COL26A1: variants seen among roughly 807,000 people sequenced by gnomAD.
COL26A1 encodes collagen type XXVI alpha 1 chain.
A neutral mutation model predicts 59.3 loss-of-function variants in COL26A1; 41 were observed. The ratio of observed to expected loss-of-function variants is 0.69; its 90% confidence interval spans 0.54 to 0.90. The LOEUF (loss-of-function observed/expected upper bound fraction) is 0.90. Ranked by LOEUF, COL26A1 falls within the 40% of genes least tolerant of loss-of-function variation. The probability of loss-of-function intolerance (pLI) is 0.00; values close to 1 mark genes in which losing one functional copy is unlikely to be tolerated. For missense variants in COL26A1, 612 were observed against 602.3 expected (o/e 1.02, Z -0.17); for synonymous variants, 266 against 256.0 (o/e 1.04, Z -0.37).
At chr7:101,446,126 G>A (rs1158749882) in intron 2 of COL26A1, among the ~76,000 whole-genome samples, 1 of 150,442 alleles carries the variant, frequency 6.6e-6, no homozygotes, top group Non-Finnish European at 1.5e-5. Flanking sequence ...CACGTGAACT[G>A]AGAGCCAGAA....
intron 3 of COL26A1, among the ~76,000 whole-genome samples, chr7:101,454,820 C>T (rs116602101): frequency 0.01 from 1,572 of 152,162 alleles, 29 homozygotes; most frequent in African/African-American, 0.036. Context: ...TGCCTTTAAA[C>T]AGAAACACAG....
chr7:101,552,602 G>A (rs1276022369), intron 10 of COL26A1, among the ~76,000 whole-genome samples: 1 of 151,756 alleles, frequency 6.6e-6, no homozygotes, highest in Admixed American at 6.6e-5. Context: ...GGGCAACAGA[G>A]CAAGACCCTG....
intron 3 of COL26A1, among the ~76,000 whole-genome samples, chr7:101,532,647 C>T (rs575746696): frequency 2.9e-4 from 44 of 152,288 alleles, no homozygotes; most frequent in African/African-American, 1.0e-3. Flanking sequence ...CCCCTTCCTA[C>T]CCTGTGTCTA....
intron 2 of COL26A1, among the ~76,000 whole-genome samples, chr7:101,446,492 C>T (rs1370725638): frequency 1.3e-5 from 2 of 152,148 alleles, no homozygotes; most frequent in Non-Finnish European, 2.9e-5. Context: ...TGTCACTGCC[C>T]AAGGGGTTCA....
chr7:101,420,811 C>G (rs1792500536), intron 2 of COL26A1, among the ~76,000 whole-genome samples: 2 of 151,690 alleles, frequency 1.3e-5, no homozygotes, highest in Admixed American at 1.3e-4. Flanking sequence ...GACCAGACCA[C>G]AGGCTTCAGG....
At chr7:101,556,718 G>A (rs1795983083) in intron 12 of COL26A1, among the ~76,000 whole-genome samples, 1 of 151,546 alleles carries the variant, frequency 6.6e-6, no homozygotes, top group African/African-American at 2.4e-5. Flanking sequence ...AAGTGGGCAG[G>A]TGGGTGGGTA....
intron 3 of COL26A1, among the ~76,000 whole-genome samples, chr7:101,518,865 T>C (rs1333095944): frequency 9.2e-5 from 14 of 152,096 alleles, no homozygotes; most frequent in Non-Finnish European, 1.0e-4. Flanking sequence ...ACCGAGCACA[T>C]TGTAACCCAG....
chr7:101,550,971 T>C, intron 9 of COL26A1, 137 bp from the exon 10 acceptor site: 1 of 963,486 alleles, frequency 1.0e-6, no homozygotes. Flanking sequence ...GCCCTTCCCG[T>C]GCCGGCCGGG....
intron 2 of COL26A1, among the ~76,000 whole-genome samples, chr7:101,422,874 C>T (rs1375038889): frequency 2.6e-5 from 4 of 152,182 alleles, no homozygotes; most frequent in Admixed American, 6.6e-5. Flanking sequence ...CTCCTGGCTT[C>T]AAGGGATCCT....
intron 4 of COL26A1, among the ~76,000 whole-genome samples, chr7:101,534,027 T>G (rs1303215627): frequency 1.3e-5 from 2 of 152,150 alleles, no homozygotes; most frequent in African/African-American, 2.4e-5. Flanking sequence ...CCAGAGGGCT[T>G]GGTAAGCAGG....
chr7:101,371,004 C>T (rs1214551040), intron 1 of COL26A1, among the ~76,000 whole-genome samples: 4 of 152,164 alleles, frequency 2.6e-5, no homozygotes, highest in Non-Finnish European at 5.9e-5. Flanking sequence ...ATTTCTCCTT[C>T]CTCATTTACT....
intron 5 of COL26A1, among the ~76,000 whole-genome samples, chr7:101,541,504 T>C (rs1402693114): frequency 1.4e-5 from 2 of 147,742 alleles, no homozygotes; most frequent in East Asian, 2.0e-4. Context: ...ACCACCACAC[T>C]TGGCTTTTTT....
chr7:101,489,039 A>G (rs1318570920), intron 3 of COL26A1, among the ~76,000 whole-genome samples: 1 of 152,206 alleles, frequency 6.6e-6, no homozygotes, highest in African/African-American at 2.4e-5. Flanking sequence ...GTTTGCCTGC[A>G]AGATTCCGTG....
chr7:101,504,807 C>CTG (rs149023314), intron 3 of COL26A1, among the ~76,000 whole-genome samples: 3,731 of 150,464 alleles, frequency 0.025, 116 homozygotes, highest in African/African-American at 0.071. Context: ...GTTGCCCAGA[C>CTG]TGTGTGTGTG....
intron 2 of COL26A1, among the ~76,000 whole-genome samples, chr7:101,437,541 A>G (rs1360868673): frequency 1.3e-5 from 2 of 151,998 alleles, no homozygotes; most frequent in African/African-American, 4.8e-5. Context: ...GCAGAAGTCC[A>G]CAAGGTTAGG....
At chr7:101,536,556 G>T (rs545898989) in intron 4 of COL26A1, among the ~76,000 whole-genome samples, 1 of 152,248 alleles carries the variant, frequency 6.6e-6, no homozygotes, top group Admixed American at 6.5e-5. Context: ...CAGGACAGGA[G>T]CCAGGCAGGC....
intron 5 of COL26A1, among the ~76,000 whole-genome samples, chr7:101,543,780 G>A (rs2058809800): frequency 6.6e-6 from 1 of 152,228 alleles, no homozygotes; most frequent in Admixed American, 6.5e-5. Flanking sequence ...GGGAACGAAA[G>A]CAGTTCTTAG....
At chr7:101,495,203 GC>G (rs1794555456) in intron 3 of COL26A1, among the ~76,000 whole-genome samples, 1 of 152,184 alleles carries the variant, frequency 6.6e-6, no homozygotes, top group African/African-American at 2.4e-5. Flanking sequence ...AACACACAGG[GC>G]TAGAGCTTTA....
At chr7:101,481,447 AAT>A (rs60951062) in intron 3 of COL26A1, among the ~76,000 whole-genome samples, 52,023 of 143,254 alleles carry the variant, frequency 0.36, 9,899 homozygotes, top group Middle Eastern at 0.47. Context: ...AATCTCCCAA[AAT>A]ATATATATAT....
Sources: gnomAD v4.1 joint callset for allele counts (sites outside exome capture counted in the v4.1 genomes callset) on GRCh38, gnomAD v4.1.1 for gene constraint, MANE v1.5 for transcripts, NCBI Gene and HGNC (gene_info 2026-07-23, HGNC 2026-07-21) for gene names.